Variants in SLC35F3 observed in about 807,000 individuals in gnomAD.
The protein encoded by SLC35F3 is putative thiamine transporter SLC35F3.
SLC35F3 carries 25 observed loss-of-function variants against 49.9 expected under a neutral mutation model. The ratio of observed to expected loss-of-function variants is 0.50; its 90% CI spans 0.37 to 0.70. The LOEUF (loss-of-function observed/expected upper bound fraction) is 0.70, where lower values mean the gene tolerates loss of function less well. Ranked by LOEUF, SLC35F3 falls within the 30% of genes least tolerant of loss-of-function variation. The pLI is 0.00. For synonymous variants in SLC35F3, 275 were observed against 265.4 expected (o/e 1.04, Z -0.35); for missense variants, 525 against 639.8 (o/e 0.82, Z 1.94).
chr1:234,145,022 TC>T (rs1665976208), intron 2 of SLC35F3, among the ~76,000 whole-genome samples: 1 of 152,220 alleles, frequency 6.6e-6, no homozygotes, highest in Non-Finnish European at 1.5e-5. Context: ...TTCACTGTGT[TC>T]TTTTTGAACA....
intron 2 of SLC35F3, among the ~76,000 whole-genome samples, chr1:234,040,320 G>A (rs149188707): frequency 1.1e-3 from 166 of 152,292 alleles, no homozygotes; most frequent in African/African-American, 3.8e-3. Context: ...GGCACAGAAT[G>A]GGGGAGCAGG....
chr1:234,095,009 T>C (rs1645692821), intron 2 of SLC35F3, among the ~76,000 whole-genome samples: 1 of 152,156 alleles, frequency 6.6e-6, no homozygotes, highest in Non-Finnish European at 1.5e-5. Context: ...GCACTTTACA[T>C]CCACCCTCCG....
At chr1:234,259,344 C>T in intron 3 of SLC35F3, among the ~76,000 whole-genome samples, 1 of 152,202 alleles carries the variant, frequency 6.6e-6, no homozygotes, top group East Asian at 1.9e-4. Flanking sequence ...TCCCACCTCC[C>T]ATTAGCTAAT....
intron 2 of SLC35F3, among the ~76,000 whole-genome samples, chr1:233,926,249 C>A (rs766704543): frequency 6.6e-6 from 1 of 152,220 alleles, no homozygotes; most frequent in African/African-American, 2.4e-5. Context: ...GTTCCATTCT[C>A]CCTGTCACTT....
chr1:234,034,807 G>C (rs1298517977), intron 2 of SLC35F3, among the ~76,000 whole-genome samples: 6 of 152,206 alleles, frequency 3.9e-5, no homozygotes, highest in Admixed American at 3.9e-4. Context: ...ATAGGCATGA[G>C]CCACTGTGCC....
chr1:234,073,427 G>T (rs1664748911), intron 2 of SLC35F3, among the ~76,000 whole-genome samples: 1 of 152,174 alleles, frequency 6.6e-6, no homozygotes, highest in South Asian at 2.1e-4. Context: ...TTACAGGCAT[G>T]AACCACCATG....
chr1:234,184,341 C>T (rs551846605), intron 2 of SLC35F3, among the ~76,000 whole-genome samples: 3 of 152,242 alleles, frequency 2.0e-5, no homozygotes, highest in South Asian at 4.1e-4. Flanking sequence ...TTGATGTTTT[C>T]AGTATTCAAA....
At chr1:234,191,617 T>C (rs1003611664) in intron 2 of SLC35F3, among the ~76,000 whole-genome samples, 1 of 147,448 alleles carries the variant, frequency 6.8e-6, no homozygotes, top group Admixed American at 6.6e-5. Context: ...CTAAATGAAA[T>C]TGAAACAACA....
chr1:234,315,668 C>T (rs10910412), intron 4 of SLC35F3, among the ~76,000 whole-genome samples: 10,412 of 152,252 alleles, frequency 0.068, 1,123 homozygotes, highest in African/African-American at 0.23. Flanking sequence ...CTGAAGTTGA[C>T]TTTGAATGAT....
At chr1:234,091,779 C>T (rs972765535) in intron 2 of SLC35F3, among the ~76,000 whole-genome samples, 7 of 152,240 alleles carry the variant, frequency 4.6e-5, no homozygotes, top group African/African-American at 1.4e-4. Flanking sequence ...TAGATTTCTG[C>T]ACCTCTCTGT....
intron 2 of SLC35F3, among the ~76,000 whole-genome samples, chr1:234,193,557 C>A (rs1342098252): frequency 6.6e-6 from 1 of 152,082 alleles, no homozygotes; most frequent in Non-Finnish European, 1.5e-5. Flanking sequence ...GACCAAGAAC[C>A]CAAAAGCAAA....
chr1:234,167,169 A>C (rs1407329104), intron 2 of SLC35F3, among the ~76,000 whole-genome samples: 1 of 152,204 alleles, frequency 6.6e-6, no homozygotes, highest in African/African-American at 2.4e-5. Flanking sequence ...CCCTTGTGCA[A>C]GTCCCTCACA....
intron 2 of SLC35F3, among the ~76,000 whole-genome samples, chr1:234,121,438 G>A (rs11590488): frequency 0.13 from 20,346 of 151,952 alleles, 2,891 homozygotes; most frequent in East Asian, 0.77. Flanking sequence ...ACGCCCAGCC[G>A]AAAAATTACT....
At chr1:234,309,394 C>T in intron 4 of SLC35F3, 74 bp downstream of exon 4, 18 of 1,291,034 alleles carry the variant, frequency 1.4e-5, no homozygotes, top group Non-Finnish European at 1.8e-5. Context: ...GCTTGCTTAG[C>T]TCCATGTGCT....
chr1:234,320,747 T>G lies in SLC35F3; in HGVS notation c.1237+560T>G, dbSNP rs559946422. Among the ~76,000 whole-genome samples the G allele has an allele frequency of 7.9e-5, 12 of 152,298 alleles. No homozygotes were observed. In the East Asian group the frequency reaches 2.3e-3, roughly 29 times the overall value. On this transcript the variant is annotated intron_variant, in intron 7 of 7. Coordinates refer to ENST00000366618, the MANE Select transcript of SLC35F3 (RefSeq NM_173508.4). This position sits in a 1 kb window ranked among gnomAD's most constrained non-coding sequence, Gnocchi z 4.8. ...TTTGCCCAGGAACTCGGGACTGCCCTTTGTTTTCCCCTGGGGACTCGTTGC... is the reference window on the plus strand; with the variant it reads ...TTTGCCCAGGAACTCGGGACTGCCCGTTGTTTTCCCCTGGGGACTCGTTGC...
intron 2 of SLC35F3, among the ~76,000 whole-genome samples, chr1:233,916,542 C>T (rs528755130): frequency 2.0e-5 from 3 of 152,352 alleles, no homozygotes; most frequent in African/African-American, 7.2e-5. Context: ...AAAGTATAAA[C>T]TTCTTTTATA....
intron 2 of SLC35F3, among the ~76,000 whole-genome samples, chr1:234,070,076 C>A (rs1008322544): frequency 4.6e-5 from 7 of 152,200 alleles, no homozygotes; most frequent in Non-Finnish European, 8.8e-5. Context: ...AAAGAACGTG[C>A]AGAGCCAAAG....
intron 2 of SLC35F3, among the ~76,000 whole-genome samples, chr1:234,209,806 C>A (rs893822268): frequency 2.6e-5 from 4 of 151,352 alleles, no homozygotes; most frequent in African/African-American, 9.7e-5. Context: ...GATGACCTCC[C>A]AAATATCAAA....
chr1:233,971,592 G>T (rs1188779350), intron 2 of SLC35F3, among the ~76,000 whole-genome samples: 1 of 151,956 alleles, frequency 6.6e-6, no homozygotes, highest in African/African-American at 2.4e-5. Flanking sequence ...GGTGGTGGTA[G>T]CCTGTAATCC....
Sources: gnomAD v4.1 joint callset for allele counts (sites outside exome capture counted in the v4.1 genomes callset) on GRCh38, gnomAD v4.1.1 for gene constraint, Gnocchi (gnomAD v3.1) non-coding constraint, MANE v1.5 for transcripts, NCBI Gene and HGNC (gene_info 2026-07-23, HGNC 2026-07-21) for gene names.